The following MAP4 variants were observed in gnomAD, a reference collection of about 807,000 sequenced individuals.
The protein encoded by MAP4 is microtubule associated protein 4.
In MAP4, 76 loss-of-function variants were observed where a neutral mutation model predicts 170.2. The ratio of observed to expected loss-of-function variants is 0.45; its 90% CI spans 0.37 to 0.54. The LOEUF (loss-of-function observed/expected upper bound fraction) is 0.54. MAP4 is among the 20% of genes least tolerant of loss of function. The pLI is 0.00. For missense variants in MAP4, 2,506 were observed against 2,748.0 expected (o/e 0.91, Z 1.97); for synonymous variants, 909 against 994.5 (o/e 0.91, Z 1.62).
intron 1 of MAP4, among the ~76,000 whole-genome samples, chr3:48,030,877 A>G (rs2100115749): frequency 1.3e-5 from 2 of 151,942 alleles, no homozygotes; most frequent in African/African-American, 2.4e-5. Context: ...CCCAATGACC[A>G]AAGCTGGAAC....
chr3:47,864,622 A>G (rs1460246589), intron 17 of MAP4, among the ~76,000 whole-genome samples: 2 of 152,198 alleles, frequency 1.3e-5, no homozygotes, highest in Non-Finnish European at 2.9e-5. Context: ...GCTTGCAGTG[A>G]GCCGAGATCG....
At chr3:47,887,406 G>T (rs1011881255) in intron 10 of MAP4, among the ~76,000 whole-genome samples, 2 of 152,210 alleles carry the variant, frequency 1.3e-5, no homozygotes, top group African/African-American at 4.8e-5. Flanking sequence ...CATAAGTGCT[G>T]CGCTCGATTT....
At chr3:48,017,481 TTTC>T (rs2100108357), upstream of MAP4, among the ~76,000 whole-genome samples, 2 of 144,158 alleles carry the variant, frequency 1.4e-5, no homozygotes, top group Non-Finnish European at 2.9e-5. Context: ...CTTTTTCTTT[TTTC>T]TTTTTTTTTT....
chr3:47,876,792 T>C (rs1345223591), intron 11 of MAP4: 1 of 152,224 alleles, frequency 6.6e-6, no homozygotes, highest in East Asian at 1.9e-4. Flanking sequence ...TCTTTTTTTT[T>C]CTTTCATCTA....
At position 47,909,094 on chromosome 3, in the gene MAP4, A is replaced by G; in HGVS notation, c.5327T>C (p.Leu1776Pro). 1 of 1,613,980 alleles carries G rather than the reference A, an allele frequency of 6.2e-7. No individual in the cohort carries two copies. Among genetic ancestry groups the G allele is most frequent in the Non-Finnish European group, 8.5e-7 (1 of 1,179,878 alleles). ...TTCCTGGATTGTAGACTTTGGCAAAAGTGGAGTAAGTCCTCGGGACTTGGT... is the reference window on the plus strand; with the variant it reads ...TTCCTGGATTGTAGACTTTGGCAAAGGTGGAGTAAGTCCTCGGGACTTGGT... ...RPTKSRGLTP[L>P]LPKSTIQEQE... The change falls in exon 9 of 21, where the codon CTT (leucine) becomes CCT (proline). Residue 1776 changes from leucine to proline, a missense_variant. By Grantham distance (98) the Leu-to-Pro change is moderately conservative. Around this residue, in one of 3 missense-constraint regions of MAP4, gnomAD observed 2,008 missense variants for 2,206.0 expected, o/e 0.91. Coordinates refer to ENST00000683076, the MANE Select transcript of MAP4 (RefSeq NM_001385682.1).
intron 1 of MAP4, among the ~76,000 whole-genome samples, chr3:48,040,960 A>G (rs1460144263): frequency 6.6e-6 from 1 of 152,210 alleles, no homozygotes; most frequent in Non-Finnish European, 1.5e-5. Flanking sequence ...TTGGCCTCCC[A>G]AAGTGCTGGG....
chr3:47,881,855 C>T (rs2096821550), intron 10 of MAP4, among the ~76,000 whole-genome samples: 1 of 152,106 alleles, frequency 6.6e-6, no homozygotes, highest in Non-Finnish European at 1.5e-5. Flanking sequence ...ATCCTTCTGC[C>T]TCAGCCTCCT....
chr3:47,895,368 T>A (rs1008515402), intron 10 of MAP4, among the ~76,000 whole-genome samples: 29 of 152,338 alleles, frequency 1.9e-4, no homozygotes, highest in African/African-American at 7.0e-4. Flanking sequence ...CCACTTTCAC[T>A]TCTGAAGTTG....
At chr3:47,995,943 T>A (rs558598945) in intron 2 of MAP4, among the ~76,000 whole-genome samples, 5 of 152,302 alleles carry the variant, frequency 3.3e-5, no homozygotes, top group African/African-American at 1.2e-4. Context: ...AAGGCTAGCA[T>A]GAGACTATGG....
At position 47,852,102 on chromosome 3, in the gene MAP4, GC is replaced by G. The variant is rs1340810995; in HGVS notation, c.*831del. ...CTGCACCCCTCTTCCCTGCCGCACC[GC>G]CTCCAGGGCCCTAAGCTGCCCACAT... On this transcript the variant is annotated 3_prime_UTR_variant, in exon 21 of 21. Transcript: ENST00000683076. 1 of 152,654 alleles carries G rather than the reference GC, an allele frequency of 6.6e-6. No individual in the cohort carries two copies. 9.5% of individuals were successfully genotyped at this position (152,654 alleles called of 1,614,324 possible). A position where few individuals can be genotyped will look rare whatever the true frequency, so the allele number is the denominator to read the frequency against.
chr3:48,051,249 C>T (rs1196157933), intron 1 of MAP4, among the ~76,000 whole-genome samples: 1 of 151,982 alleles, frequency 6.6e-6, no homozygotes, highest in Non-Finnish European at 1.5e-5. Flanking sequence ...CCCGTCTCTA[C>T]TAAAAATACA....
chr3:48,070,914 A>G (rs1307090446), intron 1 of MAP4, among the ~76,000 whole-genome samples: 1 of 151,698 alleles, frequency 6.6e-6, no homozygotes, highest in Non-Finnish European at 1.5e-5. Context: ...AGTCCTATCA[A>G]CTTGGTAGGC....
intron 3 of MAP4, chr3:47,973,010 G>T: frequency 2.0e-6 from 2 of 984,896 alleles, no homozygotes; most frequent in Non-Finnish European, 2.4e-6. Context: ...TGGGCCTCAA[G>T]TCTTTACCCA....
At position 47,854,312 on chromosome 3, in the gene MAP4, C is replaced by T. The variant is rs148949564; in HGVS notation, c.6696+936G>A. On this transcript the variant is annotated intron_variant, in intron 19 of 20. Transcript: ENST00000683076. ...GCATCCTCACGAGGTATGGGGGGCA[C>T]GAACTGAGAGCCTGTGGCAGCAAGG... is the stretch of plus-strand genomic sequence containing the variant. Among the ~76,000 whole-genome samples the T allele has an allele frequency of 4.0e-3, 610 of 152,172 alleles. 5 individuals are homozygous for T. Among genetic ancestry groups the T allele is most frequent in the African/African-American group, 0.014 (572 of 41,504 alleles).
intron 10 of MAP4, among the ~76,000 whole-genome samples, chr3:47,896,087 G>T (rs1373055454): frequency 6.6e-6 from 1 of 152,146 alleles, no homozygotes; most frequent in Non-Finnish European, 1.5e-5. Flanking sequence ...AGGTGCTCAG[G>T]CATACAGATA....
At chr3:48,022,777 G>C (rs2100111176) in intron 1 of MAP4, among the ~76,000 whole-genome samples, 1 of 152,126 alleles carries the variant, frequency 6.6e-6, no homozygotes, top group South Asian at 2.1e-4. Flanking sequence ...TATAGTCCCA[G>C]CTACTCAGGG....
At position 47,916,364 on chromosome 3, in the gene MAP4, G is replaced by A. The variant is rs139367836; in HGVS notation, c.1463C>T (p.Pro488Leu). 2.0e-4 allele frequency: 328 copies of A among 1,614,024 alleles called. No homozygotes were observed. The highest frequency in any genetic ancestry group is 2.6e-4 in the Non-Finnish European group (309 of 1,180,038). ...MAQLPETEIA[P>L]AKDVAPSTVK... is the part of the protein sequence containing the mutation. ...TGTGGACGGAGCCACATCCTTGGCC[G>A]GGGCTATTTCTGTTTCTGGGAGTTG... Residue 488 changes from proline (P) to leucine (L), a missense_variant, in exon 7 of 21, where the codon CCG (proline) becomes CTG (leucine). Physicochemically the swap from Pro to Leu is moderately conservative, Grantham distance 98 (BLOSUM62 -3). Coordinates refer to ENST00000683076, the MANE Select transcript of MAP4 (RefSeq NM_001385682.1).
intron 17 of MAP4, among the ~76,000 whole-genome samples, chr3:47,863,492 T>C (rs531297438): frequency 4.6e-5 from 7 of 151,622 alleles, no homozygotes; most frequent in Admixed American, 2.6e-4. Context: ...TGTCCCCTCC[T>C]CGGGGACTGC....
At chr3:48,055,816 C>T (rs1266339765) in intron 1 of MAP4, among the ~76,000 whole-genome samples, 5 of 140,008 alleles carry the variant, frequency 3.6e-5, no homozygotes, top group South Asian at 5.1e-4. Flanking sequence ...TCTGCCCGGC[C>T]GCCCATAGTC....
Sources: allele counts gnomAD v4.1 joint callset (sites outside exome capture counted in the v4.1 genomes callset), GRCh38; gene constraint gnomAD v4.1.1; regional missense constraint gnomAD v4.1.1; transcripts MANE v1.5; gene names NCBI Gene and HGNC (gene_info 2026-07-23, HGNC 2026-07-21).